The following OPRM1 variants were observed in gnomAD, a reference collection of about 807,000 sequenced individuals.
OPRM1 encodes the protein opioid receptor mu 1.
A neutral mutation model predicts 31.8 loss-of-function variants in OPRM1; 27 were observed. That is an observed-to-expected ratio of 0.85 (90% CI 0.63 to 1.17). The LOEUF (loss-of-function observed/expected upper bound fraction) is 1.17. Ranked by LOEUF, OPRM1 falls within the 50% of genes most tolerant of loss-of-function variation. The pLI is 0.00. For synonymous variants in OPRM1, 196 were observed against 189.9 expected (o/e 1.03, Z -0.26); for missense variants, 536 against 511.1 (o/e 1.05, Z -0.47).
chr6:154,218,374 G>A (rs1227235922), intron 3 of OPRM1, among the ~76,000 whole-genome samples: 1 of 152,168 alleles, frequency 6.6e-6, no homozygotes, highest in Non-Finnish European at 1.5e-5. Flanking sequence ...TTTAAATTGA[G>A]ACTCACTACA....
At chr6:154,246,486 C>T (rs1019270904) in intron 3 of OPRM1, 77 of 1,312,870 alleles carry the variant, frequency 5.9e-5, no homozygotes, top group Non-Finnish European at 7.9e-5. Flanking sequence ...TTACTCCGCT[C>T]CAATTCCCAG....
In OPRM1 at chr6:154,130,881, T is replaced by G. The variant is rs1014884355; in HGVS notation, c.*12160T>G. The stretch of plus-strand genomic sequence containing the variant: ...CCCTGGCAATACATTTCCTGAACTT[T>G]TACATACTTAAATAGCCAGTTATGA... On this transcript the variant is annotated 3_prime_UTR_variant, in exon 4 of 4. Transcript: ENST00000330432. Among the ~76,000 whole-genome samples the G allele has an allele frequency of 2.0e-4, 31 of 152,136 alleles. No homozygotes were observed. The highest frequency in any genetic ancestry group is 1.3e-4 in the Admixed American group (2 of 15,270).
chr6:154,195,143 C>CTTTTTTTT (rs1162086187), intron 3 of OPRM1, among the ~76,000 whole-genome samples: 38 of 133,484 alleles, frequency 2.8e-4, no homozygotes, highest in African/African-American at 1.1e-3. Flanking sequence ...TTTTTCTTTT[C>CTTTTTTTT]TTTCTTTTTT....
In OPRM1 at chr6:154,234,597, T is replaced by G. The variant is rs187923568; in HGVS notation, c.1165-12096T>G. Among the ~76,000 whole-genome samples, 442 of 152,330 alleles carry G rather than the reference T, an allele frequency of 2.9e-3. 1 individual carries two copies. Among genetic ancestry groups the G allele is most frequent in the Non-Finnish European group, 5.1e-3 (345 of 68,034 alleles). On this transcript the variant is annotated intron_variant, in intron 3 of 3. Transcript: ENST00000337049. The stretch of plus-strand genomic sequence containing the variant: ...TCAACCAAGGATATGGCTCTCTCAC[T>G]ATCACATTACGTCATATTTAGGTGG...
intron 1 of OPRM1, among the ~76,000 whole-genome samples, chr6:154,063,058 A>G (rs547484593): frequency 1.3e-5 from 2 of 152,206 alleles, no homozygotes; most frequent in South Asian, 4.1e-4. Flanking sequence ...ACACACACAC[A>G]AAACTACAAC....
intron 3 of OPRM1, among the ~76,000 whole-genome samples, chr6:154,092,639 GTC>G (rs1792543390): frequency 6.6e-6 from 1 of 152,158 alleles, no homozygotes; most frequent in South Asian, 2.1e-4. Context: ...ACCACACCCT[GTC>G]TCTCACTGTC....
In OPRM1 at chr6:154,127,022, T is replaced by C. The variant is rs1007452922; in HGVS notation, c.*8301T>C. The stretch of plus-strand genomic sequence containing the variant: ...TAGTCGGGAGGCTGAGGCAGGAGAA[T>C]TGCTTGAACTGGGGAGGCGGAAGTT... On this transcript the variant is annotated 3_prime_UTR_variant, in exon 4 of 4. Transcript: ENST00000330432. Among the ~76,000 whole-genome samples, 7 of 151,636 alleles carry C rather than the reference T, an allele frequency of 4.6e-5. No homozygotes were observed. The highest frequency in any genetic ancestry group is 1.7e-4 in the African/African-American group (7 of 41,232).
intron 3 of OPRM1, among the ~76,000 whole-genome samples, chr6:154,118,100 C>A (rs1797065363): frequency 6.6e-6 from 1 of 152,030 alleles, no homozygotes; most frequent in African/African-American, 2.4e-5. Flanking sequence ...TCTTTTCTTA[C>A]CTGAAAATAG....
Position 154,168,120 on chromosome 6 carries a change from G to GA in OPRM1, c.1164+76659dup, listed in dbSNP as rs371421932. 30,670 of 1,059,146 alleles carry GA rather than the reference G, an allele frequency of 0.029. No individual in the cohort carries two copies. Among genetic ancestry groups the GA allele is most frequent in the South Asian group, 0.043 (2,222 of 51,760 alleles). 65.6% of individuals were successfully genotyped at this position (1,059,146 alleles called of 1,614,324 possible). A position where few individuals can be genotyped will look rare whatever the true frequency, so the allele number is the denominator to read the frequency against. On this transcript the variant is annotated intron_variant, in intron 3 of 3. Transcript: ENST00000337049. The surrounding 1 kb of genome is among the most constrained non-coding windows in gnomAD (Gnocchi z 4.1). Reference sequence around the variant, plus strand: ...TCAGACACTTTTGTCTCTTCTATTTGAAAAAAAAAAAGAAAGCAGTAACAA... The same window carrying GA: ...TCAGACACTTTTGTCTCTTCTATTTGAAAAAAAAAAAAGAAAGCAGTAACAA...
chr6:154,086,065 T>C (rs914994572), intron 1 of OPRM1, among the ~76,000 whole-genome samples: 2 of 152,068 alleles, frequency 1.3e-5, no homozygotes, highest in African/African-American at 2.4e-5. Flanking sequence ...CTCCTTCCCC[T>C]GCCCTCAAGT....
chr6:154,110,432 G>T, intron 3 of OPRM1: 2 of 1,457,672 alleles, frequency 1.4e-6, no homozygotes, highest in South Asian at 2.4e-5. Flanking sequence ...ATTTTCCCGT[G>T]AAAGAATATA....
rs1797514085 is a variant in OPRM1 at position 154,125,117 on chromosome 6, T to C, written c.*6396T>C. 6.6e-6 allele frequency among the ~76,000 whole-genome samples: 1 copy of C among 152,168 alleles called. No homozygotes were observed. The highest frequency in any genetic ancestry group is 2.4e-5 in the African/African-American group (1 of 41,434). ...ACCAGTTTTTTGTTAGTGTAAAAAT[T>C]GCCCAATATTAACCAGAGCAGCCCA... On this transcript the variant is annotated 3_prime_UTR_variant, in exon 4 of 4. Transcript: ENST00000330432.
chr6:154,145,163 T>C (rs1191328042), intron 3 of OPRM1, among the ~76,000 whole-genome samples: 1 of 152,046 alleles, frequency 6.6e-6, no homozygotes, highest in East Asian at 1.9e-4. Context: ...GAGAAGGAAA[T>C]AAAAGTCATA....
chr6:154,026,220 T>C (rs78709966), intron 1 of OPRM1, among the ~76,000 whole-genome samples: 1 of 124,134 alleles, frequency 8.1e-6, no homozygotes. Flanking sequence ...TAGGGTAAAT[T>C]TTTTTTTTTC....
At chr6:154,010,820 G>C in exon 1 of OPRM1, 1 of 1,385,798 alleles carries the variant, frequency 7.2e-7, no homozygotes. Flanking sequence ...TGATAGAAAA[G>C]GGCTCCTGCT....
chr6:154,089,661 A>C (rs902882391), intron 1 of OPRM1, 165 bp from the exon 2 acceptor site: 1 of 598,222 alleles, frequency 1.7e-6, no homozygotes, highest in East Asian at 2.8e-5. Context: ...CAATAGGTAC[A>C]TCATTGACAT....
intron 1 of OPRM1, among the ~76,000 whole-genome samples, chr6:154,030,831 A>G (rs73788971): frequency 0.029 from 4,378 of 152,260 alleles, 196 homozygotes; most frequent in African/African-American, 0.1. Flanking sequence ...ATGAAGCTGA[A>G]AAGGATCGAG....
intron 3 of OPRM1, among the ~76,000 whole-genome samples, chr6:154,148,673 C>T (rs1228467447): frequency 6.6e-6 from 1 of 152,234 alleles, no homozygotes; most frequent in Non-Finnish European, 1.5e-5. Context: ...GGCTCTCCCC[C>T]AGACCTCCTT....
chr6:154,193,050 G>A (rs7743181), intron 3 of OPRM1, among the ~76,000 whole-genome samples: 101,768 of 152,032 alleles, frequency 0.67, 34,636 homozygotes, highest in East Asian at 0.89. Context: ...GTCATTATAC[G>A]AAGAAGGATA....
Sources: gnomAD v4.1 joint callset for allele counts (sites outside exome capture counted in the v4.1 genomes callset) on GRCh38, gnomAD v4.1.1 for gene constraint, Gnocchi (gnomAD v3.1) non-coding constraint, MANE v1.5 for transcripts, NCBI Gene and HGNC (gene_info 2026-07-23, HGNC 2026-07-21) for gene names.